The following PTPRD variants were observed in gnomAD, a reference collection of about 807,000 sequenced individuals.
PTPRD encodes the protein receptor-type tyrosine-protein phosphatase delta.
Under a neutral mutation model 214.5 loss-of-function variants are expected in PTPRD, and 34 were observed. The observed-to-expected ratio is 0.16, with a 90% confidence interval of 0.12 to 0.21. The LOEUF (loss-of-function observed/expected upper bound fraction) is 0.21. Among genes scored for constraint, PTPRD ranks in the 10% least tolerant of loss-of-function variants. The probability of loss-of-function intolerance (pLI) is 1.00; values close to 1 mark genes in which losing one functional copy is unlikely to be tolerated. For synonymous variants in PTPRD, 1,128 were observed against 845.7 expected (o/e 1.33, Z -5.79); for missense variants, 2,545 against 2,398.7 (o/e 1.06, Z -1.27).
chr9:9,018,233 A>T (rs2099544551), intron 11 of PTPRD, among the ~76,000 whole-genome samples: 1 of 152,126 alleles, frequency 6.6e-6, no homozygotes, highest in Non-Finnish European at 1.5e-5. Context: ...TCTGGTGTTA[A>T]CAGAATCATG....
intron 9 of PTPRD, among the ~76,000 whole-genome samples, chr9:9,302,668 C>T (rs1377870325): frequency 9.0e-6 from 1 of 110,724 alleles, no homozygotes; most frequent in African/African-American, 3.4e-5. Flanking sequence ...CACTGACTTT[C>T]ATTATTTTTT....
intron 6 of PTPRD, among the ~76,000 whole-genome samples, chr9:9,764,124 T>C (rs1597147746): frequency 6.6e-6 from 1 of 152,194 alleles, no homozygotes; most frequent in East Asian, 1.9e-4. Context: ...AGGCAAATAA[T>C]GTATCTGTTT....
At chr9:8,539,469 T>G (rs2077800188) in intron 14 of PTPRD, among the ~76,000 whole-genome samples, 1 of 151,738 alleles carries the variant, frequency 6.6e-6, no homozygotes. Flanking sequence ...GACAAATAAT[T>G]TTGAAGTTTT....
At chr9:9,717,563 T>A (rs2097856497) in intron 7 of PTPRD, among the ~76,000 whole-genome samples, 1 of 152,202 alleles carries the variant, frequency 6.6e-6, no homozygotes, top group Non-Finnish European at 1.5e-5. Context: ...TCAACCAGTG[T>A]TTAACAAGTT....
chr9:9,532,191 T>C (rs999696894), intron 8 of PTPRD, among the ~76,000 whole-genome samples: 3 of 152,064 alleles, frequency 2.0e-5, no homozygotes, highest in Non-Finnish European at 4.4e-5. Flanking sequence ...AGAGTGAGGA[T>C]GGGTAAAGAA....
At chr9:10,612,016 G>A (rs1360165360) in intron 2 of PTPRD, among the ~76,000 whole-genome samples, 1 of 151,260 alleles carries the variant, frequency 6.6e-6, no homozygotes, top group African/African-American at 2.4e-5. Flanking sequence ...GAGGTTGAAG[G>A]TGGCAGGAGA....
At chr9:8,818,307 T>C (rs748381970) in intron 11 of PTPRD, among the ~76,000 whole-genome samples, 20 of 152,216 alleles carry the variant, frequency 1.3e-4, no homozygotes, top group Non-Finnish European at 2.2e-4. Flanking sequence ...CTCACCTTAT[T>C]TGATTCTCTC....
In PTPRD at chr9:9,447,085, C is replaced by G. The variant is rs148993758; in HGVS notation, c.-236-49603G>C. ...GTGGTGGAAGTGTAATTTAGTTCAACCATTTGTGGAGAATAGTGTGGAGAT... is the reference window on the plus strand; with the variant it reads ...GTGGTGGAAGTGTAATTTAGTTCAAGCATTTGTGGAGAATAGTGTGGAGAT... On this transcript the variant is annotated intron_variant, in intron 8 of 45. Transcript: ENST00000381196. Among the ~76,000 whole-genome samples the G allele has an allele frequency of 4.0e-4, 61 of 152,184 alleles. No individual in the cohort carries two copies. In the East Asian group the frequency reaches 0.011, roughly 28 times the overall value.
chr9:8,386,717 C>T (rs745891459), intron 37 of PTPRD, among the ~76,000 whole-genome samples: 1 of 152,206 alleles, frequency 6.6e-6, no homozygotes, highest in Non-Finnish European at 1.5e-5. Context: ...TAACAACTCA[C>T]CCCTAGTTAT....
At chr9:8,457,073 G>A (rs1337964039) in intron 33 of PTPRD, among the ~76,000 whole-genome samples, 1 of 152,146 alleles carries the variant, frequency 6.6e-6, no homozygotes, top group Non-Finnish European at 1.5e-5. Flanking sequence ...AGATGGACGT[G>A]CAGTACCAAT....
At chr9:8,360,426 G>C (rs1040246642) in intron 39 of PTPRD, among the ~76,000 whole-genome samples, 4 of 152,152 alleles carry the variant, frequency 2.6e-5, no homozygotes. Flanking sequence ...ATGCATTTGA[G>C]GTTAATGTCA....
At chr9:10,567,691 TA>T (rs1420487054) in intron 2 of PTPRD, among the ~76,000 whole-genome samples, 1 of 151,914 alleles carries the variant, frequency 6.6e-6, no homozygotes, top group Non-Finnish European at 1.5e-5. Flanking sequence ...CACATTGTTT[TA>T]AAAAAACCTT....
intron 32 of PTPRD, among the ~76,000 whole-genome samples, chr9:8,464,161 G>C (rs984858387): frequency 4.0e-5 from 6 of 151,842 alleles, no homozygotes; most frequent in Non-Finnish European, 8.8e-5. Context: ...TCAGTCTGCA[G>C]GATCGAATGA....
chr9:10,536,097 G>T (rs996033901), intron 2 of PTPRD, among the ~76,000 whole-genome samples: 1 of 152,110 alleles, frequency 6.6e-6, no homozygotes, highest in Non-Finnish European at 1.5e-5. Flanking sequence ...CTACTGTTTA[G>T]ATTCCTGGAC....
rs944133008 is a variant in PTPRD at position 8,643,504 on chromosome 9, G to A, written c.65-6660C>T. ...GATGGCAGCAGCAGCAGGCCATGTG[G>A]AGCGGCCACTGCCCTCACACTGGCT... On this transcript the variant is annotated intron_variant, in intron 12 of 45. Transcript: ENST00000381196. Among the ~76,000 whole-genome samples the A allele has an allele frequency of 7.9e-5, 12 of 152,300 alleles. No individual in the cohort carries two copies. In the East Asian group the frequency reaches 2.1e-3, roughly 27 times the overall value.
At chr9:9,721,613 G>T (rs1239760676) in intron 7 of PTPRD, among the ~76,000 whole-genome samples, 1 of 152,042 alleles carries the variant, frequency 6.6e-6, no homozygotes, top group African/African-American at 2.4e-5. Flanking sequence ...GGAGTTAAAT[G>T]AACAACTTTA....
chr9:10,510,503 G>T (rs1420975975), intron 2 of PTPRD, among the ~76,000 whole-genome samples: 3 of 152,050 alleles, frequency 2.0e-5, no homozygotes, highest in African/African-American at 7.2e-5. Context: ...TATAAATAGG[G>T]ATTATGCAAA....
At chr9:10,485,263 T>C (rs565354196) in intron 2 of PTPRD, among the ~76,000 whole-genome samples, 3 of 152,254 alleles carry the variant, frequency 2.0e-5, no homozygotes, top group African/African-American at 7.2e-5. Flanking sequence ...TAGGTTACTA[T>C]AGCCCTGTGG....
intron 11 of PTPRD, among the ~76,000 whole-genome samples, chr9:8,928,033 G>A (rs9696905): frequency 0.12 from 17,908 of 151,796 alleles, 1,560 homozygotes; most frequent in East Asian, 0.43. Context: ...CATATCCTTC[G>A]CCCACTTTTT....
Sources: gnomAD v4.1 joint callset for allele counts (sites outside exome capture counted in the v4.1 genomes callset) on GRCh38, gnomAD v4.1.1 for gene constraint, MANE v1.5 for transcripts, NCBI Gene and HGNC (gene_info 2026-07-23, HGNC 2026-07-21) for gene names.